The following DCC variants were observed in gnomAD, a reference collection of about 807,000 sequenced individuals.
DCC encodes the protein DCC netrin 1 receptor, also known as netrin receptor DCC.
In DCC, 58 loss-of-function variants were observed where a neutral mutation model predicts 172.5. The ratio of observed to expected loss-of-function variants is 0.34; its 90% CI spans 0.27 to 0.42. DCC has a LOEUF of 0.42. Among genes scored for constraint, DCC ranks in the 10% least tolerant of loss-of-function variants. The pLI is 1.00. For synonymous variants in DCC, 709 were observed against 644.5 expected (o/e 1.10, Z -1.52); for missense variants, 1,740 against 1,791.0 (o/e 0.97, Z 0.51).
At chr18:53,396,961 C>T (rs1441588250) in intron 17 of DCC, among the ~76,000 whole-genome samples, 1 of 151,774 alleles carries the variant, frequency 6.6e-6, no homozygotes, top group Non-Finnish European at 1.5e-5. Flanking sequence ...AAATACCAAG[C>T]ACAAAGTGAT....
intron 2 of DCC, chr18:52,757,305 G>A (rs371769911): frequency 9.7e-4 from 148 of 152,164 alleles, no homozygotes; most frequent in African/African-American, 3.5e-3. Context: ...ATTCACTGAA[G>A]CTGGTTCATG....
chr18:53,385,917 T>G, intron 15 of DCC, 126 bp from the exon 16 acceptor site: 1 of 723,542 alleles, frequency 1.4e-6, no homozygotes. Flanking sequence ...TGAATCCAAC[T>G]CACTCATTCT....
intron 1 of DCC, chr18:52,419,408 T>A (rs1341946571): frequency 6.6e-6 from 1 of 152,184 alleles, no homozygotes; most frequent in Non-Finnish European, 1.5e-5. Context: ...CAAGTTTTCA[T>A]CCAGTGTCAC....
intron 5 of DCC, among the ~76,000 whole-genome samples, chr18:53,063,089 C>G (rs922134904): frequency 1.3e-5 from 2 of 151,644 alleles, no homozygotes; most frequent in Non-Finnish European, 1.5e-5. Flanking sequence ...TTCCTTGTGG[C>G]AGAACACCAC....
At chr18:53,374,669 G>T (rs1568090387) in intron 15 of DCC, among the ~76,000 whole-genome samples, 1 of 152,126 alleles carries the variant, frequency 6.6e-6, no homozygotes, top group Non-Finnish European at 1.5e-5. Context: ...ATACTATGAT[G>T]TTAGGAGAAA....
intron 1 of DCC, among the ~76,000 whole-genome samples, chr18:52,609,090 T>A (rs924144472): frequency 6.6e-6 from 1 of 152,188 alleles, no homozygotes; most frequent in Admixed American, 6.5e-5. Context: ...CTTGTAAATG[T>A]AAATAAATAT....
chr18:53,411,376 T>C (rs1909979645), intron 20 of DCC, among the ~76,000 whole-genome samples: 1 of 152,136 alleles, frequency 6.6e-6, no homozygotes. Flanking sequence ...TTGTAATAAG[T>C]TTCACAACTA....
At chr18:52,411,478 C>T (rs2144404015) in intron 1 of DCC, among the ~76,000 whole-genome samples, 1 of 152,266 alleles carries the variant, frequency 6.6e-6, no homozygotes, top group Non-Finnish European at 1.5e-5. Context: ...CCTTGACTAA[C>T]TTTGCTTTTC....
intron 1 of DCC, among the ~76,000 whole-genome samples, chr18:52,514,094 A>G (rs909004354): frequency 2.6e-5 from 4 of 152,150 alleles, no homozygotes; most frequent in African/African-American, 9.7e-5. Context: ...TCTCTTGACA[A>G]TATAGGGTAA....
At position 53,015,004 on chromosome 18, in the gene DCC, ACTCTACTAAGG is replaced by A. The variant is rs1204340779; in HGVS notation, c.986-48300_986-48290del. Among the ~76,000 whole-genome samples the A allele has an allele frequency of 2.0e-5, 3 of 152,154 alleles. No homozygotes were observed. In the East Asian group the frequency reaches 5.8e-4, roughly 29 times the overall value. ...CAATTAAAATTAGAATGCAACTAAG[ACTCTACTAAGG>A]GAAGGAAAATACAAATGTAAAATGA... On this transcript the variant is annotated intron_variant, in intron 5 of 28. Transcript: ENST00000442544.
intron 13 of DCC, among the ~76,000 whole-genome samples, chr18:53,310,537 T>C (rs927831006): frequency 2.6e-5 from 4 of 152,126 alleles, no homozygotes; most frequent in Non-Finnish European, 5.9e-5. Flanking sequence ...TTCAGAGTTA[T>C]AACAAGAATT....
intron 1 of DCC, among the ~76,000 whole-genome samples, chr18:52,455,941 G>A (rs1272324475): frequency 6.6e-6 from 1 of 152,072 alleles, no homozygotes; most frequent in Non-Finnish European, 1.5e-5. Flanking sequence ...ATCTCCATAT[G>A]GTGACTTTTG....
rs192121414 is a variant in DCC, at chr18:52,586,729, A to G, written c.92-165325A>G. ...TTCTGGCTATGGGAGAAACAGGACC[A>G]TATATAGGATGCTGATTCAGAGCAT... is the stretch of plus-strand genomic sequence containing the variant. On this transcript the variant is annotated intron_variant, in intron 1 of 28. Coordinates refer to ENST00000442544, the MANE Select transcript of DCC (RefSeq NM_005215.4). Among the ~76,000 whole-genome samples the G allele has an allele frequency of 1.3e-3, 200 of 152,292 alleles. 1 individual carries two copies. The highest frequency in any genetic ancestry group is 4.7e-3 in the African/African-American group (196 of 41,572).
At chr18:53,329,611 A>C (rs1339311732) in intron 14 of DCC, among the ~76,000 whole-genome samples, 1 of 152,158 alleles carries the variant, frequency 6.6e-6, no homozygotes, top group Admixed American at 6.5e-5. Context: ...GACATGAGTA[A>C]ATAGCAAGTT....
At chr18:52,782,440 C>T (rs185800773) in intron 2 of DCC, among the ~76,000 whole-genome samples, 13 of 151,890 alleles carry the variant, frequency 8.6e-5, no homozygotes, top group Admixed American at 7.2e-4. Context: ...TTCCCCCATC[C>T]TCTCATCTCC....
At chr18:53,024,287 G>T (rs1362104874) in intron 5 of DCC, among the ~76,000 whole-genome samples, 1 of 152,050 alleles carries the variant, frequency 6.6e-6, no homozygotes, top group Admixed American at 6.6e-5. Flanking sequence ...CAAAACTTTT[G>T]GGAATAGGGA....
intron 2 of DCC, among the ~76,000 whole-genome samples, chr18:52,812,588 T>C (rs1008176292): frequency 5.3e-5 from 8 of 152,174 alleles, no homozygotes; most frequent in African/African-American, 1.9e-4. Context: ...AAACATATGA[T>C]TTAGTTAGAT....
At chr18:53,437,065 G>T (rs1459891295) in intron 22 of DCC, among the ~76,000 whole-genome samples, 1 of 152,132 alleles carries the variant, frequency 6.6e-6, no homozygotes, top group Non-Finnish European at 1.5e-5. Context: ...ACAGGGATTA[G>T]GTTTCAACAT....
intron 1 of DCC, among the ~76,000 whole-genome samples, chr18:52,642,259 C>T (rs538537638): frequency 4.0e-5 from 6 of 151,508 alleles, no homozygotes; most frequent in African/African-American, 9.7e-5. Context: ...CTCATATGTG[C>T]GAGCTAGGCT....
Sources: allele counts gnomAD v4.1 joint callset (sites outside exome capture counted in the v4.1 genomes callset), GRCh38; gene constraint gnomAD v4.1.1; transcripts MANE v1.5; gene names NCBI Gene and HGNC (gene_info 2026-07-23, HGNC 2026-07-21).